Variants in CPED1 observed in about 807,000 individuals in gnomAD.
The protein encoded by CPED1 is cadherin-like and PC-esterase domain-containing protein 1.
A neutral mutation model predicts 128.2 loss-of-function variants in CPED1; 114 were observed. The ratio of observed to expected loss-of-function variants is 0.89; its 90% CI spans 0.76 to 1.04. The LOEUF (loss-of-function observed/expected upper bound fraction) is 1.04, where lower values mean the gene tolerates loss of function less well. CPED1 is among the 50% of genes least tolerant of loss of function. The pLI, the probability that CPED1 is intolerant of heterozygous loss-of-function variation, is 0.00. For synonymous variants in CPED1, 462 were observed against 426.7 expected (o/e 1.08, Z -1.02); for missense variants, 1,211 against 1,207.1 (o/e 1.00, Z -0.05).
chr7:121,104,712 T>A (rs1794928866), intron 7 of CPED1, among the ~76,000 whole-genome samples: 1 of 152,140 alleles, frequency 6.6e-6, no homozygotes, highest in South Asian at 2.1e-4. Context: ...TAAAGTTATA[T>A]GAAGATGATT....
At chr7:120,992,422 C>T (rs1331759669) in intron 2 of CPED1, among the ~76,000 whole-genome samples, 1 of 152,014 alleles carries the variant, frequency 6.6e-6, no homozygotes, top group East Asian at 1.9e-4. Context: ...ACATTTTATG[C>T]AAAATACTGT....
intron 16 of CPED1, among the ~76,000 whole-genome samples, chr7:121,208,574 C>G (rs1349069301): frequency 1.3e-5 from 2 of 151,998 alleles, no homozygotes; most frequent in Non-Finnish European, 1.5e-5. Context: ...TGTACAGGGT[C>G]ACAAAGATGG....
At chr7:121,024,375 T>A (rs1009102440) in intron 3 of CPED1, among the ~76,000 whole-genome samples, 4 of 152,200 alleles carry the variant, frequency 2.6e-5, no homozygotes, top group Admixed American at 6.6e-5. Context: ...GTCTCGTTTT[T>A]ACTCCAAAGA....
intron 22 of CPED1, among the ~76,000 whole-genome samples, chr7:121,274,454 G>C (rs1292838256): frequency 6.6e-6 from 1 of 152,136 alleles, no homozygotes; most frequent in Non-Finnish European, 1.5e-5. Context: ...GATGTAGGCT[G>C]TCTTGATAGC....
At chr7:121,210,060 G>T (rs553474407) in intron 16 of CPED1, among the ~76,000 whole-genome samples, 7 of 152,132 alleles carry the variant, frequency 4.6e-5, no homozygotes, top group Non-Finnish European at 1.0e-4. Flanking sequence ...ATGAAAAGGT[G>T]CTCAACATCA....
chr7:121,237,582 G>T (rs1352611662), intron 17 of CPED1, among the ~76,000 whole-genome samples: 2 of 152,100 alleles, frequency 1.3e-5, no homozygotes, highest in Non-Finnish European at 2.9e-5. Context: ...TTTCAGTGGA[G>T]ATGTTGGGGT....
intron 7 of CPED1, among the ~76,000 whole-genome samples, chr7:121,113,867 C>T (rs1373382520): frequency 1.3e-5 from 2 of 151,826 alleles, no homozygotes; most frequent in African/African-American, 4.8e-5. Flanking sequence ...CTCTTTCTGT[C>T]GCCCAGGCTT....
chr7:121,075,841 G>T (rs558126967), intron 5 of CPED1, among the ~76,000 whole-genome samples: 17 of 151,878 alleles, frequency 1.1e-4, no homozygotes, highest in Non-Finnish European at 2.1e-4. Flanking sequence ...ATATTACTTG[G>T]CTGTGTGGTT....
chr7:120,996,753 A>T (rs1355663276), intron 2 of CPED1, among the ~76,000 whole-genome samples: 1 of 152,210 alleles, frequency 6.6e-6, no homozygotes, highest in Non-Finnish European at 1.5e-5. Context: ...AAATCTTAGC[A>T]TCTATCTTCA....
intron 6 of CPED1, 60 bp downstream of exon 6, chr7:121,097,891 A>T: frequency 6.4e-7 from 1 of 1,569,264 alleles, no homozygotes; most frequent in Non-Finnish European, 8.7e-7. Context: ...AGCTAACAAG[A>T]GAAAAGCACA....
At chr7:121,113,645 G>A (rs1258515633) in intron 7 of CPED1, among the ~76,000 whole-genome samples, 1 of 152,108 alleles carries the variant, frequency 6.6e-6, no homozygotes, top group African/African-American at 2.4e-5. Flanking sequence ...GGACTGAGGT[G>A]AGAGGGATGG....
chr7:121,077,178 T>C (rs1393875882), intron 5 of CPED1, among the ~76,000 whole-genome samples: 1 of 152,148 alleles, frequency 6.6e-6, no homozygotes, highest in Non-Finnish European at 1.5e-5. Flanking sequence ...GGGTATATTT[T>C]CTACCCCCAC....
chr7:121,244,750 C>T (rs112800143), intron 18 of CPED1, among the ~76,000 whole-genome samples: 2,387 of 152,306 alleles, frequency 0.016, 65 homozygotes, highest in African/African-American at 0.053. Context: ...TCAAAAGGTC[C>T]TGCATGTGAG....
chr7:121,218,136 C>CA (rs1179291943), intron 16 of CPED1, among the ~76,000 whole-genome samples: 3 of 151,030 alleles, frequency 2.0e-5, no homozygotes, highest in Non-Finnish European at 4.4e-5. Flanking sequence ...AGGCACCCTC[C>CA]ACCATGCCTG....
intron 22 of CPED1, among the ~76,000 whole-genome samples, chr7:121,277,124 T>TA (rs968281192): frequency 1.9e-4 from 29 of 152,156 alleles, no homozygotes; most frequent in African/African-American, 7.0e-4. Flanking sequence ...AGCCTGGTTT[T>TA]AAAAAATGAT....
intron 16 of CPED1, among the ~76,000 whole-genome samples, chr7:121,164,455 C>G (rs1364997178): frequency 6.6e-6 from 1 of 152,170 alleles, no homozygotes; most frequent in African/African-American, 2.4e-5. Context: ...TAGTGATTCT[C>G]AAGCTTAAGC....
chr7:121,195,387 CAAAG>C (rs1263600740), intron 16 of CPED1, among the ~76,000 whole-genome samples: 14 of 152,082 alleles, frequency 9.2e-5, no homozygotes, highest in African/African-American at 3.4e-4. Flanking sequence ...CATATTGAAA[CAAAG>C]AACTGCTCAT....
chr7:121,012,588 G>A (rs1390875170), intron 2 of CPED1, among the ~76,000 whole-genome samples: 3 of 152,200 alleles, frequency 2.0e-5, no homozygotes, highest in East Asian at 1.9e-4. Flanking sequence ...TGTTCACATC[G>A]TTTTAATTTC....
intron 7 of CPED1, among the ~76,000 whole-genome samples, chr7:121,122,401 A>G (rs1795413123): frequency 1.3e-5 from 2 of 152,304 alleles, no homozygotes; most frequent in African/African-American, 2.4e-5. Flanking sequence ...TTGGCCTCCC[A>G]AAGTGCTGGG....
Sources: allele counts gnomAD v4.1 joint callset (sites outside exome capture counted in the v4.1 genomes callset), GRCh38; gene constraint gnomAD v4.1.1; transcripts MANE v1.5; gene names NCBI Gene and HGNC (gene_info 2026-07-23, HGNC 2026-07-21).